Variants in MYO9A observed in about 807,000 individuals in gnomAD.
MYO9A encodes myosin IXA.
In MYO9A, 103 loss-of-function variants were observed where a neutral mutation model predicts 293.3. The ratio of observed to expected loss-of-function variants is 0.35; its 90% CI spans 0.30 to 0.41. The LOEUF (loss-of-function observed/expected upper bound fraction) is 0.41, where lower values mean the gene tolerates loss of function less well. MYO9A is among the 10% of genes least tolerant of loss of function. The pLI, the probability that MYO9A is intolerant of heterozygous loss-of-function variation, is 1.00. For missense variants in MYO9A, 2,685 were observed against 3,033.0 expected (o/e 0.89, Z 2.69); for synonymous variants, 1,001 against 1,035.7 (o/e 0.97, Z 0.64).
At chr15:71,933,591 A>G in intron 18 of MYO9A, 79 bp downstream of exon 18, 1 of 1,268,398 alleles carries the variant, frequency 7.9e-7, no homozygotes, top group Non-Finnish European at 1.1e-6. Context: ...TTGTTTTTTG[A>G]TGTATGAAGA....
chr15:72,070,128 CAAA>C (rs936332297), intron 1 of MYO9A, among the ~76,000 whole-genome samples: 2 of 49,034 alleles, frequency 4.1e-5, no homozygotes, highest in African/African-American at 7.7e-5. Context: ...GACTATGTCT[CAAA>C]AAAAAAAAAA....
At chr15:71,833,347 G>A (rs550482792) in intron 39 of MYO9A, among the ~76,000 whole-genome samples, 24 of 151,986 alleles carry the variant, frequency 1.6e-4, no homozygotes, top group Non-Finnish European at 8.8e-5. Flanking sequence ...TATATTAACT[G>A]TAAACAAAGT....
intron 8 of MYO9A, among the ~76,000 whole-genome samples, chr15:72,007,217 C>A (rs1030209667): frequency 6.6e-6 from 1 of 152,018 alleles, no homozygotes; most frequent in Admixed American, 6.6e-5. Flanking sequence ...AGAAATGACA[C>A]CCCATCTGAT....
chr15:71,961,664 A>G (rs1405275596), intron 13 of MYO9A, among the ~76,000 whole-genome samples: 1 of 152,228 alleles, frequency 6.6e-6, no homozygotes, highest in African/African-American at 2.4e-5. Context: ...ACTCATAACC[A>G]AATGGATGTG....
chr15:72,042,490 AG>A (rs2078256208), intron 2 of MYO9A, among the ~76,000 whole-genome samples: 2 of 152,298 alleles, frequency 1.3e-5, no homozygotes, highest in Admixed American at 1.3e-4. Flanking sequence ...TAAACAAGCT[AG>A]GAACAGAAGG....
At chr15:71,902,546 T>C (rs2057515600) in intron 22 of MYO9A, among the ~76,000 whole-genome samples, 2 of 151,986 alleles carry the variant, frequency 1.3e-5, no homozygotes, top group South Asian at 4.2e-4. Flanking sequence ...TCCCTAAAAC[T>C]TTGTGAAAGG....
chr15:71,900,204 G>A (rs569336689), intron 23 of MYO9A, among the ~76,000 whole-genome samples, 198 bp from the exon 24 acceptor site: 3 of 152,264 alleles, frequency 2.0e-5, no homozygotes, highest in South Asian at 2.1e-4. Flanking sequence ...GGAGGCTAAG[G>A]CAGGCAGATC....
chr15:72,015,842 C>A (rs2077320306), intron 6 of MYO9A, among the ~76,000 whole-genome samples: 1 of 151,946 alleles, frequency 6.6e-6, no homozygotes, highest in African/African-American at 2.4e-5. Flanking sequence ...CGCCCGCCAC[C>A]ACATCCAGCT....
rs773768704 is a variant in MYO9A at position 71,901,270 on chromosome 15, A to G, written c.3071T>C (p.Ile1024Thr). 3.4e-5 allele frequency: 55 copies of G among 1,613,984 alleles called. No individual in the cohort carries two copies. The highest frequency in any genetic ancestry group is 1.6e-4 in the Middle Eastern group (1 of 6,084). The change falls in exon 23 of 42, where the codon ATA becomes ACA. Residue 1024 changes from isoleucine to threonine, a missense_variant. Ile to Thr is a moderately conservative substitution (Grantham distance 89). This residue lies in a region of MYO9A where 1,434 missense variants were observed against 1,497.7 expected (regional missense o/e 0.96). Coordinates refer to ENST00000356056, the MANE Select transcript of MYO9A (RefSeq NM_006901.4). ...LLHQEVLRRI[I>T]LLQRWFRVLL... ...GACCCTGAACCATCGCTGCAACAAT[A>G]TGATTCTGCGGAGCACCTCTTGGTG... is the stretch of plus-strand genomic sequence containing the variant.
intron 30 of MYO9A, 91 bp from the exon 31 acceptor site, chr15:71,878,322 G>C: frequency 1.1e-6 from 1 of 882,748 alleles, no homozygotes; most frequent in Non-Finnish European, 1.6e-6. Context: ...GTAGTATTTA[G>C]AATAAAGATT....
intron 11 of MYO9A, among the ~76,000 whole-genome samples, chr15:71,983,299 A>G (rs1351387246): frequency 1.3e-5 from 2 of 151,784 alleles, no homozygotes; most frequent in African/African-American, 2.4e-5. Context: ...GCAATTCTAG[A>G]AAACATGTAT....
At chr15:71,857,937 G>C (rs1197004507) in intron 34 of MYO9A, among the ~76,000 whole-genome samples, 7 of 152,286 alleles carry the variant, frequency 4.6e-5, no homozygotes, top group East Asian at 1.9e-4. Context: ...CCACCAAAAA[G>C]TGGGCAAAGG....
intron 1 of MYO9A, among the ~76,000 whole-genome samples, chr15:72,086,754 T>G (rs141499801): frequency 7.2e-4 from 8 of 11,136 alleles, no homozygotes; most frequent in East Asian, 0.1. Context: ...GTTTTGTTTT[T>G]TTTGTTGTTT....
chr15:72,046,625 G>C lies in MYO9A; in HGVS notation c.-62C>G, dbSNP rs1248916553. On this transcript the variant is annotated 5_prime_UTR_variant, in exon 2 of 42. Coordinates refer to ENST00000356056, the MANE Select transcript of MYO9A (RefSeq NM_006901.4). ...TCAAAGTCGTGCAAACCATTTTCTT[G>C]GTAAAATAACTGTAACATAAAAGAT... The C allele has an allele frequency of 1.9e-5, 28 of 1,443,798 alleles. No homozygotes were observed. Among genetic ancestry groups the C allele is most frequent in the Admixed American group, 2.4e-5 (1 of 41,554 alleles). The allele number at this position is 1,443,798 out of a possible 1,614,324, so 89.4% of individuals were successfully genotyped here. A position where few individuals can be genotyped will look rare whatever the true frequency, so the allele number is the denominator to read the frequency against.
At chr15:71,963,787 A>T (rs62025580) in intron 13 of MYO9A, among the ~76,000 whole-genome samples, 1 of 152,176 alleles carries the variant, frequency 6.6e-6, no homozygotes, top group Non-Finnish European at 1.5e-5. Flanking sequence ...TCCAGATCAG[A>T]TCTTTCTTAT....
rs1185845236 is a variant in MYO9A, at chr15:71,828,136, ATT to A, written c.7041-112_7041-111del. 2.4e-6 allele frequency: 3 copies of A among 1,241,412 alleles called. No homozygotes were observed. In the East Asian group the frequency reaches 7.1e-5, roughly 29 times the overall value. 76.9% of individuals were successfully genotyped at this position (1,241,412 alleles called of 1,614,324 possible). A position where few individuals can be genotyped will look rare whatever the true frequency, so the allele number is the denominator to read the frequency against. On this transcript the variant is annotated intron_variant, in intron 40 of 41. Coordinates refer to ENST00000356056, the MANE Select transcript of MYO9A (RefSeq NM_006901.4). Reference sequence around the variant, plus strand: ...GGAATCTAAGAAGCAAAGAGAGTCCATTTTTACTGTCCCCATCCAGGTGGTGA... The same window carrying A: ...GGAATCTAAGAAGCAAAGAGAGTCCATTTACTGTCCCCATCCAGGTGGTGA...
At chr15:71,917,252 G>A (rs779548886) in intron 18 of MYO9A, among the ~76,000 whole-genome samples, 5 of 152,076 alleles carry the variant, frequency 3.3e-5, no homozygotes, top group Non-Finnish European at 7.4e-5. Flanking sequence ...CAAAAACCAA[G>A]TAGGCTGGGC....
chr15:72,062,429 A>C (rs1356796264), intron 1 of MYO9A, among the ~76,000 whole-genome samples: 1 of 152,224 alleles, frequency 6.6e-6, no homozygotes, highest in East Asian at 1.9e-4. Flanking sequence ...ACTTGTTTTC[A>C]GGAAACTCAA....
intron 1 of MYO9A, among the ~76,000 whole-genome samples, chr15:72,089,851 CT>C: frequency 6.6e-6 from 1 of 152,266 alleles, no homozygotes; most frequent in South Asian, 2.1e-4. Context: ...AAAGTTCAAA[CT>C]TAAAAGTTTC....
Sources: gnomAD v4.1 joint callset for allele counts (sites outside exome capture counted in the v4.1 genomes callset) on GRCh38, gnomAD v4.1.1 for gene constraint, gnomAD v4.1.1 regional missense constraint, MANE v1.5 for transcripts, NCBI Gene and HGNC (gene_info 2026-07-23, HGNC 2026-07-21) for gene names.